The following COX15 variants were observed in gnomAD, a reference collection of about 807,000 sequenced individuals.
COX15 encodes the protein cytochrome c oxidase assembly factor COX15.
In COX15, 51 loss-of-function variants were observed where a neutral mutation model predicts 51.9. The observed-to-expected ratio is 0.98, with a 90% CI of 0.78 to 1.24. COX15 has a LOEUF of 1.24. COX15 is among the 50% of genes most tolerant of loss of function. The pLI is 0.00. For synonymous variants in COX15, 188 were observed against 190.5 expected (o/e 0.99, Z 0.11); for missense variants, 420 against 501.1 (o/e 0.84, Z 1.55).
chr10:99,704,410 T>G, the COX15 span: 1 of 1,600,274 alleles, frequency 6.2e-7, no homozygotes. Flanking sequence ...CCTTTGAAAC[T>G]TAACAGTTTT....
intron 2 of COX15, among the ~76,000 whole-genome samples, chr10:99,728,038 C>T (rs939342223): frequency 6.6e-6 from 1 of 152,086 alleles, no homozygotes; most frequent in Non-Finnish European, 1.5e-5. Context: ...AAATAAGGGA[C>T]GTGGAATGTG....
chr10:99,717,811 C>T (rs2036623018), intron 7 of COX15, among the ~76,000 whole-genome samples: 1 of 152,192 alleles, frequency 6.6e-6, no homozygotes, highest in African/African-American at 2.4e-5. Flanking sequence ...CTCACAGTCT[C>T]CTTACTGCTC....
chr10:99,695,657 C>T, the COX15 span, among the ~76,000 whole-genome samples: 1 of 152,174 alleles, frequency 6.6e-6, no homozygotes, highest in African/African-American at 2.4e-5. Context: ...TTGGAAAATA[C>T]AGAAAAATAC....
rs763832735 is a variant in COX15 at position 99,714,741 on chromosome 10, A to C, written c.1102-23T>G. ...CACCTGTCACAAAGGAAAGAAGGCA[A>C]TAGGAAAGGCAGTAACCCAAAGTTC... On this transcript the variant is annotated intron_variant, in intron 8 of 8. Coordinates refer to ENST00000016171, the MANE Select transcript of COX15 (RefSeq NM_078470.6). 4.3e-6 allele frequency: 7 copies of C among 1,611,866 alleles called. No homozygotes were observed. The African/African-American group carries it at 9.3e-5, about 22-fold the overall frequency.
the COX15 span, chr10:99,702,437 G>A: frequency 1.6e-6 from 2 of 1,289,732 alleles, no homozygotes; most frequent in East Asian, 2.6e-5. Flanking sequence ...GTGGGAATAC[G>A]GAGTGGCTTA....
chr10:99,731,832 G>T, intron 1 of COX15, 128 bp downstream of exon 1: 1 of 1,214,276 alleles, frequency 8.2e-7, no homozygotes, highest in Non-Finnish European at 1.2e-6. Flanking sequence ...GCTCTGATCT[G>T]AACCTATGCG....
At chr10:99,699,879 C>T in the COX15 span, among the ~76,000 whole-genome samples, 1 of 145,574 alleles carries the variant, frequency 6.9e-6, no homozygotes, top group Non-Finnish European at 1.5e-5. Context: ...CCTCATATTT[C>T]CCTCCCTCCC....
chr10:99,701,846 A>G, the COX15 span, among the ~76,000 whole-genome samples: 1 of 151,706 alleles, frequency 6.6e-6, no homozygotes, highest in East Asian at 2.0e-4. Flanking sequence ...TCAGGAGTTC[A>G]AGACCAGCCT....
the COX15 span, among the ~76,000 whole-genome samples, chr10:99,696,830 A>G: frequency 6.6e-6 from 1 of 152,332 alleles, no homozygotes; most frequent in East Asian, 1.9e-4. Flanking sequence ...TTTGGAATGA[A>G]ACCAGTTTAA....
Position 99,714,637 on chromosome 10 carries a change from G to T in COX15, c.1183C>A (p.Leu395Ile). 5 of 1,614,166 alleles carry T rather than the reference G, an allele frequency of 3.1e-6. No individual in the cohort carries two copies. The highest frequency in any genetic ancestry group is 4.2e-6 in the Non-Finnish European group (5 of 1,180,014). ...TTCATCAGCCAAAGAGCACCAGTGAGCAAAGCCAAGGAGCCTGACTGGTGA... is the reference window on the plus strand; with the variant it reads ...TTCATCAGCCAAAGAGCACCAGTGATCAAAGCCAAGGAGCCTGACTGGTGA... ...ATHQSGSLAL[L>I]TGALWLMNEL... Residue 395 changes from leucine to isoleucine, a missense_variant, in exon 9 of 9, where the codon CTC (leucine) becomes ATC (isoleucine). Leu to Ile is a conservative substitution (Grantham distance 5). Coordinates refer to ENST00000016171, the MANE Select transcript of COX15 (RefSeq NM_078470.6).
chr10:99,716,318 A>T, intron 8 of COX15, 30 bp downstream of exon 8: 2 of 1,470,866 alleles, frequency 1.4e-6, no homozygotes, highest in Non-Finnish European at 1.9e-6. Context: ...TATTGGGGAT[A>T]CTGTCAGAAC....
chr10:99,709,611 C>T (rs754320827), downstream of COX15: 17 of 985,262 alleles, frequency 1.7e-5, no homozygotes, highest in Non-Finnish European at 2.0e-5. Context: ...AGGTTGTGTT[C>T]TTGGCTCATT....
intron 4 of COX15, among the ~76,000 whole-genome samples, chr10:99,724,407 C>T (rs2036879347): frequency 1.3e-5 from 2 of 152,124 alleles, no homozygotes; most frequent in African/African-American, 4.8e-5. Context: ...GTGTCAATCT[C>T]TTGACCTCGT....
chr10:99,728,323 CAT>C (rs1180824686), intron 2 of COX15, among the ~76,000 whole-genome samples: 1 of 152,192 alleles, frequency 6.6e-6, no homozygotes, highest in Admixed American at 6.5e-5. Context: ...CGGACCGAAA[CAT>C]TATCGAGTGT....
downstream of COX15, chr10:99,710,861 T>C (rs2036359363): frequency 1.0e-6 from 1 of 985,328 alleles, no homozygotes; most frequent in African/African-American, 1.7e-5. Context: ...AATTCTAGGT[T>C]GACTGATTAA....
the COX15 span, chr10:99,695,942 G>T: frequency 2.5e-6 from 4 of 1,598,316 alleles, no homozygotes; most frequent in Admixed American, 3.6e-5. Context: ...TTTTCTCTTG[G>T]TATTGTATTA....
intron 7 of COX15, 94 bp from the exon 8 acceptor site, chr10:99,716,555 G>A (rs1222568638): frequency 8.3e-6 from 7 of 848,398 alleles, no homozygotes; most frequent in Non-Finnish European, 1.4e-5. Context: ...CAGCAACCAT[G>A]AAGTACTTTC....
chr10:99,718,850 T>A (rs904077514), intron 6 of COX15, among the ~76,000 whole-genome samples: 1 of 152,130 alleles, frequency 6.6e-6, no homozygotes, highest in Admixed American at 6.5e-5. Context: ...ACTGATTTAT[T>A]TTAGAAATGC....
chr10:99,719,289 G>A (rs1046697960), intron 6 of COX15, among the ~76,000 whole-genome samples: 1 of 148,860 alleles, frequency 6.7e-6, no homozygotes, highest in Non-Finnish European at 1.5e-5. Context: ...GCATGATCTC[G>A]GCTCACTGCA....
Sources: allele counts gnomAD v4.1 joint callset (sites outside exome capture counted in the v4.1 genomes callset), GRCh38; gene constraint gnomAD v4.1.1; transcripts MANE v1.5; gene names NCBI Gene and HGNC (gene_info 2026-07-23, HGNC 2026-07-21).